The following SULT4A1 variants were observed in gnomAD, a reference collection of about 807,000 sequenced individuals.
The protein encoded by SULT4A1 is sulfotransferase 4A1.
In SULT4A1, 11 loss-of-function variants were observed where a neutral mutation model predicts 35.2. The ratio of observed to expected loss-of-function variants is 0.31; its 90% CI spans 0.20 to 0.52. SULT4A1 has a LOEUF of 0.52. SULT4A1 is among the 20% of genes least tolerant of loss of function. SULT4A1 has a pLI of 0.97. For missense variants in SULT4A1, 271 were observed against 383.7 expected (o/e 0.71, Z 2.45); for synonymous variants, 152 against 151.8 (o/e 1.00, Z -0.01).
At chr22:43,845,651 C>A (rs967392892) in intron 1 of SULT4A1, among the ~76,000 whole-genome samples, 12 of 152,184 alleles carry the variant, frequency 7.9e-5, no homozygotes, top group Non-Finnish European at 1.3e-4. Context: ...CAGGGGTCCC[C>A]AACCCCCAGG....
chr22:43,833,797 A>T, intron 4 of SULT4A1, 63 bp from the exon 5 acceptor site: 3 of 1,386,434 alleles, frequency 2.2e-6, no homozygotes, highest in Non-Finnish European at 3.0e-6. Flanking sequence ...ACATGGGGCC[A>T]TCCCCACCCC....
At chr22:43,829,362 TA>T (rs1433420318) in intron 5 of SULT4A1, among the ~76,000 whole-genome samples, 164 bp from the exon 6 acceptor site, 2 of 152,200 alleles carry the variant, frequency 1.3e-5, no homozygotes, top group Admixed American at 1.3e-4. Flanking sequence ...ACTAAGAGGT[TA>T]AGAAATCGCC....
intron 1 of SULT4A1, among the ~76,000 whole-genome samples, chr22:43,849,552 G>A (rs1441321597): frequency 6.6e-6 from 1 of 152,126 alleles, no homozygotes; most frequent in Non-Finnish European, 1.5e-5. Context: ...AGAGGAACAG[G>A]CTCATGGTGT....
chr22:43,855,059 T>C lies in SULT4A1; in HGVS notation c.169+7155A>G, dbSNP rs1392624720. Among the ~76,000 whole-genome samples, 3 of 152,236 alleles carry C rather than the reference T, an allele frequency of 2.0e-5. No individual in the cohort carries two copies. In the East Asian group the frequency reaches 5.8e-4, roughly 29 times the overall value. On this transcript the variant is annotated intron_variant, in intron 1 of 6. Coordinates refer to ENST00000330884, the MANE Select transcript of SULT4A1 (RefSeq NM_014351.4). ...AAGGTGAGGACAGTGATGAACTCAA[T>C]GTAATTCCCCACAGAGCACCCTCCA...
intron 6 of SULT4A1, chr22:43,827,334 C>T (rs765273535): frequency 3.9e-5 from 38 of 985,328 alleles, no homozygotes; most frequent in Non-Finnish European, 4.3e-5. Flanking sequence ...GTAACACGGA[C>T]TTTCTCTTTG....
At chr22:43,844,932 G>C (rs1254305060) in intron 1 of SULT4A1, among the ~76,000 whole-genome samples, 2 of 152,222 alleles carry the variant, frequency 1.3e-5, no homozygotes, top group Non-Finnish European at 2.9e-5. Context: ...ACATGCACTG[G>C]TGCCTTGAGT....
chr22:43,848,514 G>C (rs1188372468), intron 1 of SULT4A1, among the ~76,000 whole-genome samples: 1 of 152,182 alleles, frequency 6.6e-6, no homozygotes, highest in Non-Finnish European at 1.5e-5. Flanking sequence ...CACTAGCCTC[G>C]AGCAGGAGGG....
At position 43,834,309 on chromosome 22, in the gene SULT4A1, CCGCG is replaced by C. The variant is rs2063348922; in HGVS notation, c.509-579_509-576del. ...CGGCCCTGTGCTTCCCGCGCCCCCACCGCGTCCCTGTGCTTCCCGCGCCCCCACC... is the reference window on the plus strand; with the variant it reads ...CGGCCCTGTGCTTCCCGCGCCCCCACTCCCTGTGCTTCCCGCGCCCCCACC... On this transcript the variant is annotated intron_variant, in intron 4 of 6. Transcript: ENST00000330884. 2.7e-5 allele frequency among the ~76,000 whole-genome samples: 4 copies of C among 149,848 alleles called. 1 individual carries two copies. Among genetic ancestry groups the C allele is most frequent in the Admixed American group, 6.6e-5 (1 of 15,134 alleles).
intron 6 of SULT4A1, chr22:43,827,772 C>CACACACAT (rs892151254): frequency 1.3e-5 from 6 of 467,882 alleles, no homozygotes; most frequent in African/African-American, 1.2e-4. Flanking sequence ...CACACACACA[C>CACACACAT]ACACACACAC....
At position 43,836,299 on chromosome 22, in the gene SULT4A1, C is replaced by G. The variant is rs113891284; in HGVS notation, c.509-2565G>C. ...CCTCCAACTGCAGGTGCCACAGGGA[C>G]CCTGTCTACACAGCGTCCTCACACT... On this transcript the variant is annotated intron_variant, in intron 4 of 6. Coordinates refer to ENST00000330884, the MANE Select transcript of SULT4A1 (RefSeq NM_014351.4). 4.1e-4 allele frequency among the ~76,000 whole-genome samples: 49 copies of G among 118,334 alleles called. 1 individual carries two copies. Among genetic ancestry groups the G allele is most frequent in the African/African-American group, 1.6e-3 (46 of 28,068 alleles). 77.6% of individuals were successfully genotyped at this position (118,334 alleles called of 152,430 possible).
At chr22:43,836,253 G>A (rs1256128616) in intron 4 of SULT4A1, among the ~76,000 whole-genome samples, 2 of 130,520 alleles carry the variant, frequency 1.5e-5, no homozygotes. Context: ...AGGTGCCACA[G>A]GGAGCCTGTC....
At chr22:43,839,593 CA>C (rs1161978763) in intron 3 of SULT4A1, among the ~76,000 whole-genome samples, 1 of 151,950 alleles carries the variant, frequency 6.6e-6, no homozygotes, top group African/African-American at 2.4e-5. Context: ...GTCTCAAAAA[CA>C]AAAAAACAAA....
rs1417234455 is a variant in SULT4A1 at position 43,829,055 on chromosome 22, C to T, written c.742+5G>A. The T allele has an allele frequency of 1.3e-6, 2 of 1,522,184 alleles. No homozygotes were observed. Among genetic ancestry groups the T allele is most frequent in the South Asian group, 1.2e-5 (1 of 81,208 alleles). The allele number at this position is 1,522,184 out of a possible 1,614,324, so 94.3% of individuals were successfully genotyped here. Reference sequence around the variant, plus strand: ...CCTGGGCGGGAGGCAGGGTGGGGCACGTACCCCGGCCCACGGGCAGGGCCT... The same window carrying T: ...CCTGGGCGGGAGGCAGGGTGGGGCATGTACCCCGGCCCACGGGCAGGGCCT... On this transcript the variant is annotated splice_donor_5th_base_variant and intron_variant, in intron 6 of 6. Transcript: ENST00000330884.
intron 1 of SULT4A1, among the ~76,000 whole-genome samples, chr22:43,842,795 A>G (rs757989719): frequency 3.3e-5 from 5 of 152,206 alleles, no homozygotes; most frequent in Non-Finnish European, 7.3e-5. Context: ...CACAAAGGCG[A>G]TTCCGGGGTC....
intron 1 of SULT4A1, 51 bp downstream of exon 1, chr22:43,862,163 C>T (rs2049478828): frequency 2.2e-6 from 3 of 1,377,226 alleles, no homozygotes; most frequent in African/African-American, 3.1e-5. Flanking sequence ...TACGCGGCCG[C>T]GCTGCAGGGC....
intron 6 of SULT4A1, chr22:43,826,580 C>G (rs1011087687): frequency 9.1e-6 from 9 of 985,278 alleles, no homozygotes; most frequent in Non-Finnish European, 1.1e-5. Context: ...ACTCACAGCT[C>G]AACAGTGCCA....
rs751188585 is a variant in SULT4A1, at chr22:43,833,745, A to G, written c.509-11T>C. On this transcript the variant is annotated splice_polypyrimidine_tract_variant and intron_variant, in intron 4 of 6. Coordinates refer to ENST00000330884, the MANE Select transcript of SULT4A1 (RefSeq NM_014351.4). Reference sequence around the variant, plus strand: ...AGGAGCCGTAGCCCACTGCGGAGACAGGGGACAGGGTGAGCCACACGGCTG... The same window carrying G: ...AGGAGCCGTAGCCCACTGCGGAGACGGGGGACAGGGTGAGCCACACGGCTG... The G allele has an allele frequency of 2.6e-5, 40 of 1,560,306 alleles. No individual in the cohort carries two copies. The highest frequency in any genetic ancestry group is 3.0e-5 in the Non-Finnish European group (35 of 1,151,614).
At chr22:43,848,784 A>C (rs1341971484) in intron 1 of SULT4A1, among the ~76,000 whole-genome samples, 1 of 152,210 alleles carries the variant, frequency 6.6e-6, no homozygotes, top group Non-Finnish European at 1.5e-5. Flanking sequence ...AATCTTCCTC[A>C]TCACAGCTGG....
chr22:43,837,171 G>A (rs1265618469), intron 4 of SULT4A1, among the ~76,000 whole-genome samples: 1 of 152,216 alleles, frequency 6.6e-6, no homozygotes, highest in Non-Finnish European at 1.5e-5. Context: ...CAGTATGTGC[G>A]TGCTCACTGA....
Sources: allele counts gnomAD v4.1 joint callset (sites outside exome capture counted in the v4.1 genomes callset), GRCh38; gene constraint gnomAD v4.1.1; transcripts MANE v1.5; gene names NCBI Gene and HGNC (gene_info 2026-07-23, HGNC 2026-07-21).